Variants in ITGA2 observed in about 807,000 individuals in gnomAD.
ITGA2 encodes the protein integrin subunit alpha 2.
ITGA2 carries 101 observed loss-of-function variants against 146.3 expected under a neutral mutation model. The ratio of observed to expected loss-of-function variants is 0.69; its 90% CI spans 0.59 to 0.81. The LOEUF (loss-of-function observed/expected upper bound fraction) is 0.81, where lower values mean the gene tolerates loss of function less well. Among genes scored for constraint, ITGA2 ranks in the 40% least tolerant of loss-of-function variants. The pLI is 0.00. For synonymous variants in ITGA2, 477 were observed against 487.1 expected (o/e 0.98, Z 0.27); for missense variants, 1,281 against 1,402.7 (o/e 0.91, Z 1.39).
chr5:53,055,453 T>C (rs1744583028), intron 7 of ITGA2, 85 bp from the exon 8 acceptor site: 2 of 1,233,288 alleles, frequency 1.6e-6, no homozygotes, highest in Non-Finnish European at 2.4e-6. Context: ...AAGAAGCTAG[T>C]TTCATGTTTC....
intron 29 of ITGA2, 38 bp from the exon 30 acceptor site, chr5:53,090,481 C>A: frequency 6.3e-7 from 1 of 1,582,674 alleles, no homozygotes; most frequent in Non-Finnish European, 8.7e-7. Context: ...ACAAAATAAG[C>A]CACGGGTGGT....
chr5:53,000,897 GT>G (rs369482288), intron 1 of ITGA2, among the ~76,000 whole-genome samples: 8,311 of 97,080 alleles, frequency 0.086, 167 homozygotes, highest in Admixed American at 0.14. Context: ...TTTTCTTTTT[GT>G]TTTTTTTTTT....
rs757218737 is a variant in ITGA2, at chr5:53,072,006, C to A, written c.2304C>A (p.Ser768Arg). The change falls in exon 18 of 30, where the codon AGC becomes AGA. Residue 768 changes from serine (S) to arginine (R), a missense_variant. Ser to Arg is a moderately radical substitution (Grantham distance 110, BLOSUM62 -1). This residue lies in a region of ITGA2 where 475 missense variants were observed against 530.5 expected (regional missense o/e 0.90). Coordinates refer to ENST00000296585, the MANE Select transcript of ITGA2 (RefSeq NM_002203.4). ...TCAGTCTGGAAAACCCTGGCACTAG[C>A]CCTGCCCTTGAAGCCTATTCTGAGA... ...VDISLENPGT[S>R]PALEAYSETA... 2.5e-6 allele frequency: 4 copies of A among 1,612,292 alleles called. No individual in the cohort carries two copies. In the East Asian group the frequency reaches 8.9e-5, roughly 36 times the overall value.
chr5:52,992,658 T>C (rs1177019352), intron 1 of ITGA2, among the ~76,000 whole-genome samples: 1 of 152,220 alleles, frequency 6.6e-6, no homozygotes, highest in Admixed American at 6.5e-5. Flanking sequence ...CTTATGTCTG[T>C]ATGTAACTTT....
intron 16 of ITGA2, among the ~76,000 whole-genome samples, chr5:53,068,764 A>C (rs1745256657): frequency 6.6e-6 from 1 of 151,798 alleles, no homozygotes; most frequent in African/African-American, 2.4e-5. Flanking sequence ...TGGAAAGTGA[A>C]TTTATAAAGC....
At chr5:53,070,290 T>G (rs764126609) in intron 17 of ITGA2, 30 bp downstream of exon 17, 1 of 1,610,038 alleles carries the variant, frequency 6.2e-7, no homozygotes, top group South Asian at 1.1e-5. Flanking sequence ...CCTTTTGACT[T>G]TATTTCTTCC....
rs151276538 is a variant in ITGA2, at chr5:53,023,532, T to C, written c.65-3216T>C. The stretch of plus-strand genomic sequence containing the variant: ...TTTAGTAAAATTACCATAATGGAAA[T>C]GCAAAGAGAACAGGGAGATTTTAGT... On this transcript the variant is annotated intron_variant, in intron 1 of 29. Transcript: ENST00000296585. Among the ~76,000 whole-genome samples, 243 of 152,332 alleles carry C rather than the reference T, an allele frequency of 1.6e-3. 2 individuals carry two copies. The highest frequency in any genetic ancestry group is 5.5e-3 in the African/African-American group (228 of 41,574).
chr5:52,990,134 A>G (rs185539001), intron 1 of ITGA2: 166 of 155,410 alleles, frequency 1.1e-3, no homozygotes, highest in African/African-American at 3.8e-3. Flanking sequence ...ACTTGGAATA[A>G]ACCAAGCGCC....
intron 2 of ITGA2, among the ~76,000 whole-genome samples, chr5:53,036,293 C>A (rs1743490270): frequency 6.6e-6 from 1 of 151,880 alleles, no homozygotes; most frequent in Non-Finnish European, 1.5e-5. Context: ...AATTCTTCTA[C>A]AATATGTCAG....
chr5:53,034,250 T>C (rs146077320), intron 2 of ITGA2, among the ~76,000 whole-genome samples: 1 of 152,276 alleles, frequency 6.6e-6, no homozygotes, highest in Admixed American at 6.5e-5. Context: ...CTTATTATGC[T>C]ATTGCTGTAC....
At chr5:53,071,545 G>A (rs1237538457) in intron 17 of ITGA2, among the ~76,000 whole-genome samples, 3 of 151,850 alleles carry the variant, frequency 2.0e-5, no homozygotes, top group Non-Finnish European at 2.9e-5. Flanking sequence ...GCCCCCAAGA[G>A]TTAAGAGTAA....
At chr5:53,075,160 A>G (rs753184895) in intron 22 of ITGA2, 23 bp downstream of exon 22, 88 of 1,603,120 alleles carry the variant, frequency 5.5e-5, no homozygotes, top group Non-Finnish European at 7.2e-5. Flanking sequence ...GAAGTCATGA[A>G]TGGAATGATG....
At chr5:53,061,069 T>C (rs1250180188) in intron 12 of ITGA2, 23 bp downstream of exon 12, 5 of 1,611,412 alleles carry the variant, frequency 3.1e-6, no homozygotes, top group Non-Finnish European at 4.2e-6. Context: ...GTTTAGCAGG[T>C]GAAATTAATT....
At position 53,081,594 on chromosome 5, in the gene ITGA2, T is replaced by C. The variant is rs1295968686; in HGVS notation, c.3042T>C (p.Ala1014=). 8 of 1,607,890 alleles carry C rather than the reference T, an allele frequency of 5.0e-6. No homozygotes were observed. Among genetic ancestry groups the C allele is most frequent in the Non-Finnish European group, 6.8e-6 (8 of 1,175,568 alleles). Residue 1014 remains alanine, a splice_region_variant and synonymous_variant, in exon 26 of 30, where the codon GCT becomes GCC. Transcript: ENST00000296585. ...MYLTGVQTDK[A]GDISCNADIN... ...GATCGGGTGTTCTTCTTTTATAGGC[T>C]GGTGACATCAGTTGTAATGCAGATA... is the stretch of plus-strand genomic sequence containing the variant.
chr5:53,018,284 C>T (rs1395909340), intron 1 of ITGA2, among the ~76,000 whole-genome samples: 1 of 152,212 alleles, frequency 6.6e-6, no homozygotes, highest in Non-Finnish European at 1.5e-5. Context: ...GGGCTCCCCA[C>T]TGGCTGGAGT....
intron 1 of ITGA2, among the ~76,000 whole-genome samples, chr5:53,000,897 G>GTTTTTTTTTTTTTTTTTTTTTCTTTTTTT (rs1741549028): frequency 3.1e-5 from 3 of 97,222 alleles, no homozygotes; most frequent in Non-Finnish European, 6.1e-5. Flanking sequence ...TTTTCTTTTT[G>GTTTTTTTTTTTTTTTTTTTTTCTTTTTTT]TTTTTTTTTT....
chr5:53,061,363 C>T (rs1442017674), intron 12 of ITGA2, among the ~76,000 whole-genome samples: 1 of 152,012 alleles, frequency 6.6e-6, no homozygotes, highest in East Asian at 1.9e-4. Context: ...ATGTTTTTGA[C>T]TCCCTGGATT....
At chr5:53,047,002 A>G (rs768133438) in intron 4 of ITGA2, among the ~76,000 whole-genome samples, 5 of 152,198 alleles carry the variant, frequency 3.3e-5, no homozygotes, top group Non-Finnish European at 7.4e-5. Context: ...ATAGAAACCA[A>G]TAATTAGTAT....
intron 12 of ITGA2, among the ~76,000 whole-genome samples, chr5:53,061,759 C>A (rs1419630213): frequency 6.6e-6 from 1 of 151,786 alleles, no homozygotes; most frequent in African/African-American, 2.4e-5. Flanking sequence ...ATCACTAATC[C>A]CTGACAACCA....
Sources: gnomAD v4.1 joint callset for allele counts (sites outside exome capture counted in the v4.1 genomes callset) on GRCh38, gnomAD v4.1.1 for gene constraint, gnomAD v4.1.1 regional missense constraint, MANE v1.5 for transcripts, NCBI Gene and HGNC (gene_info 2026-07-23, HGNC 2026-07-21) for gene names.